OSER1: variants seen among roughly 807,000 people sequenced by gnomAD.
OSER1 encodes oxidative stress-responsive serine-rich protein 1.
In OSER1, 15 loss-of-function variants were observed where a neutral mutation model predicts 26.3. The observed-to-expected ratio is 0.57, with a 90% confidence interval of 0.38 to 0.88. The LOEUF is 0.88. Ranked by LOEUF, OSER1 falls within the 40% of genes least tolerant of loss-of-function variation. The pLI, the probability that OSER1 is intolerant of heterozygous loss-of-function variation, is 0.00. For missense variants in OSER1, 313 were observed against 353.9 expected (o/e 0.88, Z 0.93); for synonymous variants, 127 against 128.2 (o/e 0.99, Z 0.07).
At chr20:44,201,309 G>C (rs1037823399) in intron 3 of OSER1, among the ~76,000 whole-genome samples, 1 of 152,218 alleles carries the variant, frequency 6.6e-6, no homozygotes, top group Non-Finnish European at 1.5e-5. Flanking sequence ...TTTTGGTATT[G>C]AGAGGGGCGT....
chr20:44,209,947 A>C (rs987945434), intron 1 of OSER1: 1 of 152,172 alleles, frequency 6.6e-6, no homozygotes, highest in Non-Finnish European at 1.5e-5. Context: ...AAACCCAGCA[A>C]CTCTAAGAGG....
At chr20:44,207,773 C>T (rs534861467) in intron 1 of OSER1, among the ~76,000 whole-genome samples, 3 of 152,112 alleles carry the variant, frequency 2.0e-5, no homozygotes, top group African/African-American at 4.8e-5. Context: ...ATTGTGTAGA[C>T]GCACCACTAA....
At chr20:44,204,034 A>G (rs760944850) in intron 2 of OSER1, among the ~76,000 whole-genome samples, 5 of 152,206 alleles carry the variant, frequency 3.3e-5, no homozygotes, top group Non-Finnish European at 5.9e-5. Context: ...ACTATGTAAA[A>G]TAAGTATAGG....
intron 3 of OSER1, among the ~76,000 whole-genome samples, chr20:44,202,356 C>T (rs947616161): frequency 1.3e-4 from 20 of 151,104 alleles, no homozygotes; most frequent in African/African-American, 4.6e-4. Context: ...GTCTGTGTGA[C>T]AGAGCAAGAA....
At chr20:44,199,224 T>C (rs114548679) in intron 3 of OSER1, among the ~76,000 whole-genome samples, 14 of 152,274 alleles carry the variant, frequency 9.2e-5, no homozygotes, top group African/African-American at 2.2e-4. Flanking sequence ...TTGGGGGTGA[T>C]TGGGTCACAA....
Position 44,196,827 on chromosome 20 carries a change from A to T in OSER1, c.*225T>A, listed in dbSNP as rs1230931889. On this transcript the variant is annotated 3_prime_UTR_variant, in exon 4 of 4. Coordinates refer to ENST00000255174, the MANE Select transcript of OSER1 (RefSeq NM_016470.8). ...CATCCCCCAGGAACATTTCTAAATAAGGGGGATTTTTCTTTGATCTGCTCG... is the reference window on the plus strand; with the variant it reads ...CATCCCCCAGGAACATTTCTAAATATGGGGGATTTTTCTTTGATCTGCTCG... 4 of 469,194 alleles carry T rather than the reference A, an allele frequency of 8.5e-6. No individual in the cohort carries two copies. The highest frequency in any genetic ancestry group is 1.5e-5 in the Non-Finnish European group (4 of 262,092). The allele number at this position is 469,194 out of a possible 1,614,324, so 29.1% of individuals were successfully genotyped here. A position where few individuals can be genotyped will look rare whatever the true frequency, so the allele number is the denominator to read the frequency against.
chr20:44,197,571 C>T lies in OSER1; in HGVS notation c.360G>A (p.Gly120=), dbSNP rs1227555858. Residue 120 remains glycine, a synonymous_variant, in exon 4 of 4, where the codon GGG becomes GGA. Coordinates refer to ENST00000255174, the MANE Select transcript of OSER1 (RefSeq NM_016470.8). ...SQTDSPDGSS[G]LGISSPKEFS... ...ACTCTTTAGGGGATGAAATTCCCAGCCCACTGCTGCCATCAGGTGAGTCAG... is the reference window on the plus strand; with the variant it reads ...ACTCTTTAGGGGATGAAATTCCCAGTCCACTGCTGCCATCAGGTGAGTCAG... 1.2e-6 allele frequency: 2 copies of T among 1,614,182 alleles called. No individual in the cohort carries two copies. The highest frequency in any genetic ancestry group is 1.7e-5 in the Admixed American group (1 of 60,030).
chr20:44,205,408 T>G (rs1423483464), intron 2 of OSER1, among the ~76,000 whole-genome samples: 1 of 152,248 alleles, frequency 6.6e-6, no homozygotes, highest in African/African-American at 2.4e-5. Context: ...TTGACCATAT[T>G]AGAAAACCAT....
rs2072930052 is a variant in OSER1, at chr20:44,197,365, G to A, written c.566C>T (p.Ser189Phe). 6.2e-6 allele frequency: 10 copies of A among 1,614,248 alleles called. No homozygotes were observed. The highest frequency in any genetic ancestry group is 5.9e-6 in the Non-Finnish European group (7 of 1,180,058). Residue 189 changes from serine to phenylalanine, a missense_variant, in exon 4 of 4, where the codon TCC becomes TTC. By Grantham distance (155) the Ser-to-Phe change is radical. This residue lies in a region of OSER1 where 300 missense variants were observed against 318.3 expected (regional missense o/e 0.94). Transcript: ENST00000255174. ...GCATGGCTTGCCCTGGTTTAGCTTG[G>A]AAACTGATTGAAAGTCAGAGAGATC... ...ASDLSDFQSV[S>F]KLNQGKPCTC...
At chr20:44,203,694 TCACACACACACACA>T (rs139060435) in intron 2 of OSER1, among the ~76,000 whole-genome samples, 2 of 145,360 alleles carry the variant, frequency 1.4e-5, no homozygotes, top group African/African-American at 2.6e-5. Flanking sequence ...CAGACTTTTT[TCACACACACACACA>T]CACACACACA....
chr20:44,198,497 T>C (rs926564599), intron 3 of OSER1, among the ~76,000 whole-genome samples: 1 of 152,020 alleles, frequency 6.6e-6, no homozygotes, highest in Admixed American at 6.6e-5. Context: ...TGGGCGCCTG[T>C]AGTCCCAGAT....
chr20:44,196,932 G>A lies in OSER1; in HGVS notation c.*120C>T. 1 of 693,982 alleles carries A rather than the reference G, an allele frequency of 1.4e-6. No individual in the cohort carries two copies. Among genetic ancestry groups the A allele is most frequent in the Admixed American group, 2.5e-5 (1 of 40,508 alleles). The allele number at this position is 693,982 out of a possible 1,614,324, so 43.0% of individuals were successfully genotyped here. ...TGAGATGCCAAGAAAAGTTTTTATT[G>A]CAAGCACAGTGAGCAGAAAGAGATG... On this transcript the variant is annotated 3_prime_UTR_variant, in exon 4 of 4. Transcript: ENST00000255174.
intron 3 of OSER1, among the ~76,000 whole-genome samples, 195 bp from the exon 4 acceptor site, chr20:44,197,934 T>C (rs1157894995): frequency 6.6e-6 from 1 of 152,204 alleles, no homozygotes; most frequent in African/African-American, 2.4e-5. Flanking sequence ...CATCATCTTA[T>C]TAGCAAGCTA....
Position 44,196,960 on chromosome 20 carries a change from T to C in OSER1, c.*92A>G, listed in dbSNP as rs1378572946. 2 of 845,308 alleles carry C rather than the reference T, an allele frequency of 2.4e-6. No individual in the cohort carries two copies. The highest frequency in any genetic ancestry group is 3.8e-6 in the Non-Finnish European group (2 of 519,886). 52.4% of individuals were successfully genotyped at this position (845,308 alleles called of 1,614,324 possible). ...AGCACAGTGAGCAGAAAGAGATGTC[T>C]TCTCACACAAAGTGGCCACAAGGTC... On this transcript the variant is annotated 3_prime_UTR_variant, in exon 4 of 4. Transcript: ENST00000255174.
At chr20:44,208,724 G>A (rs1364174586) in intron 1 of OSER1, among the ~76,000 whole-genome samples, 1 of 152,114 alleles carries the variant, frequency 6.6e-6, no homozygotes, top group African/African-American at 2.4e-5. Flanking sequence ...AATCCTTCCT[G>A]CTGGTAGAAC....
chr20:44,202,139 G>T (rs2072988607), intron 3 of OSER1, among the ~76,000 whole-genome samples: 1 of 152,212 alleles, frequency 6.6e-6, no homozygotes, highest in African/African-American at 2.4e-5. Context: ...ACTTTGGGAA[G>T]CCGAGGTGGG....
chr20:44,206,894 C>T lies in OSER1; in HGVS notation c.64G>A (p.Val22Met). The change falls in exon 2 of 4, where the codon GTG (valine) becomes ATG (methionine). Residue 22 changes from valine to methionine, a missense_variant. Around this residue, in one of 2 missense-constraint regions of OSER1, gnomAD observed 300 missense variants for 318.3 expected, o/e 0.94. Transcript: ENST00000255174. ...ATATTTAATTACCCTGATGCATCCA[C>T]TCTTAATTTTTTGAAAGCAGTCTGT... ...SLQTAFKKLR[V>M]DASGSVASLS... The T allele has an allele frequency of 1.1e-5, 15 of 1,422,792 alleles. No individual in the cohort carries two copies. Among genetic ancestry groups the T allele is most frequent in the Non-Finnish European group, 1.3e-5 (13 of 1,006,152 alleles). The allele number at this position is 1,422,792 out of a possible 1,614,324, so 88.1% of individuals were successfully genotyped here.
chr20:44,203,888 A>G (rs955594379), intron 2 of OSER1, among the ~76,000 whole-genome samples: 1 of 152,242 alleles, frequency 6.6e-6, no homozygotes, highest in Admixed American at 6.5e-5. Flanking sequence ...GTATTTCTAA[A>G]TTATGGCATA....
At chr20:44,206,703 G>A (rs2073041488) in intron 2 of OSER1, among the ~76,000 whole-genome samples, 178 bp downstream of exon 2, 1 of 152,276 alleles carries the variant, frequency 6.6e-6, no homozygotes, top group African/African-American at 2.4e-5. Flanking sequence ...TAACCAAAGG[G>A]TTTTCTTTTT....
Sources: allele counts gnomAD v4.1 joint callset (sites outside exome capture counted in the v4.1 genomes callset), GRCh38; gene constraint gnomAD v4.1.1; regional missense constraint gnomAD v4.1.1; transcripts MANE v1.5; gene names NCBI Gene and HGNC (gene_info 2026-07-23, HGNC 2026-07-21).